Variants in PDE10A observed in about 807,000 individuals in gnomAD.
The protein encoded by PDE10A is phosphodiesterase 10A.
In PDE10A, 39 loss-of-function variants were observed where a neutral mutation model predicts 97.7. The ratio of observed to expected loss-of-function variants is 0.40; its 90% confidence interval spans 0.31 to 0.52. The LOEUF (loss-of-function observed/expected upper bound fraction) is 0.52, where lower values mean the gene tolerates loss of function less well. PDE10A is among the 20% of genes least tolerant of loss of function. The probability of loss-of-function intolerance (pLI) is 0.56; values close to 1 mark genes in which losing one functional copy is unlikely to be tolerated. For synonymous variants in PDE10A, 371 were observed against 376.8 expected, an observed-to-expected ratio of 0.98 and a Z score of 0.18; for missense variants, 731 against 1,047.8, an observed-to-expected ratio of 0.70 and a Z score of 4.17.
chr6:165,524,657 A>T (rs1231943192), intron 2 of PDE10A, among the ~76,000 whole-genome samples: 2 of 62,202 alleles, frequency 3.2e-5, no homozygotes, highest in African/African-American at 8.7e-5. Context: ...ATCTGCTAAG[A>T]TTGCCCTGAG....
At chr6:165,836,555 C>T (rs1455925929) in intron 1 of PDE10A, among the ~76,000 whole-genome samples, 2 of 152,196 alleles carry the variant, frequency 1.3e-5, no homozygotes, top group Non-Finnish European at 2.9e-5. Context: ...CACATGCTAG[C>T]ATTTATCTAT....
intron 3 of PDE10A, among the ~76,000 whole-genome samples, chr6:165,470,481 T>C (rs920255596): frequency 1.3e-5 from 2 of 152,238 alleles, no homozygotes; most frequent in African/African-American, 2.4e-5. Flanking sequence ...AAAGACTGAT[T>C]GGTGCCTTTC....
chr6:165,890,076 A>C (rs1387835213), intron 1 of PDE10A, among the ~76,000 whole-genome samples: 61 of 75,618 alleles, frequency 8.1e-4, no homozygotes, highest in South Asian at 9.6e-4. Flanking sequence ...CTCACTCCTC[A>C]CTCACTCCTC....
chr6:165,667,414 C>T (rs1043402266), upstream of PDE10A, among the ~76,000 whole-genome samples: 2 of 151,824 alleles, frequency 1.3e-5, no homozygotes, highest in African/African-American at 2.4e-5. Flanking sequence ...TGTATTATCA[C>T]GTTATGTTTT....
At chr6:165,938,729 A>G (rs1406405206) in intron 1 of PDE10A, among the ~76,000 whole-genome samples, 1 of 151,948 alleles carries the variant, frequency 6.6e-6, no homozygotes, top group Non-Finnish European at 1.5e-5. Context: ...CCAGTGAGCA[A>G]CAACATCAAA....
rs1562327666 is a variant in PDE10A, at chr6:165,958,705, A to AGAG, written c.-615+28823_-615+28824insCTC. Among the ~76,000 whole-genome samples, 412 of 140,994 alleles carry AGAG rather than the reference A, an allele frequency of 2.9e-3. 4 individuals carry two copies. The highest frequency in any genetic ancestry group is 0.011 in the African/African-American group (390 of 35,276). 92.5% of individuals were successfully genotyped at this position (140,994 alleles called of 152,430 possible). ...AGGAAAGAAAGAAAGAGAAAGAAAGAAAGAAAGAGAGAAGAAAGAAAGAAA... is the reference window on the plus strand; with the variant it reads ...AGGAAAGAAAGAAAGAGAAAGAAAGAGAGAAGAAAGAGAGAAGAAAGAAAGAAA... On this transcript the variant is annotated intron_variant, in intron 1 of 19. Transcript: ENST00000366882.
chr6:165,536,968 G>A (rs772760642), intron 2 of PDE10A, among the ~76,000 whole-genome samples: 91 of 151,892 alleles, frequency 6.0e-4, no homozygotes, highest in Non-Finnish European at 1.0e-3. Context: ...AAGGAAATCA[G>A]CATATCAAAG....
At chr6:165,847,481 CAG>C (rs1321321662) in intron 1 of PDE10A, among the ~76,000 whole-genome samples, 1 of 152,278 alleles carries the variant, frequency 6.6e-6, no homozygotes, top group African/African-American at 2.4e-5. Context: ...CCTCGCGTGA[CAG>C]CGATCTACAA....
chr6:165,602,650 G>T (rs969883751), intron 1 of PDE10A, among the ~76,000 whole-genome samples: 1 of 152,050 alleles, frequency 6.6e-6, no homozygotes, highest in African/African-American at 2.4e-5. Context: ...ATTTGAAAAA[G>T]GTACTTTTGT....
At chr6:165,417,475 ACT>A (rs1447223664) in intron 11 of PDE10A, among the ~76,000 whole-genome samples, 1 of 151,996 alleles carries the variant, frequency 6.6e-6, no homozygotes, top group Non-Finnish European at 1.5e-5. Context: ...AGTAAATCAC[ACT>A]CTGTTTTTCT....
intron 17 of PDE10A, among the ~76,000 whole-genome samples, chr6:165,381,403 C>T (rs1784913868): frequency 6.6e-6 from 1 of 152,146 alleles, no homozygotes; most frequent in African/African-American, 2.4e-5. Context: ...ATAAAAAGGT[C>T]TAACTCATTT....
chr6:165,461,278 G>C (rs1397866294), intron 3 of PDE10A, among the ~76,000 whole-genome samples: 2 of 152,160 alleles, frequency 1.3e-5, no homozygotes, highest in African/African-American at 4.8e-5. Flanking sequence ...AGATTTAAAA[G>C]ACTGTTTGTT....
intron 3 of PDE10A, among the ~76,000 whole-genome samples, chr6:165,459,857 C>G (rs1426306871): frequency 6.6e-6 from 1 of 151,866 alleles, no homozygotes; most frequent in Non-Finnish European, 1.5e-5. Flanking sequence ...GAAGCATGCT[C>G]ATACTAAAAA....
intron 18 of PDE10A, among the ~76,000 whole-genome samples, chr6:165,375,201 C>T (rs543097829): frequency 6.6e-6 from 1 of 152,104 alleles, no homozygotes; most frequent in Non-Finnish European, 1.5e-5. Flanking sequence ...CTAGAAGTGA[C>T]TAAACTTAGG....
At chr6:165,622,350 T>C (rs956590889) in intron 1 of PDE10A, among the ~76,000 whole-genome samples, 15 of 152,112 alleles carry the variant, frequency 9.9e-5, no homozygotes, top group African/African-American at 3.6e-4. Flanking sequence ...TGTTGCTAGT[T>C]GGTTTCATTG....
At chr6:165,499,193 G>A (rs556508040) in intron 2 of PDE10A, among the ~76,000 whole-genome samples, 11 of 152,268 alleles carry the variant, frequency 7.2e-5, no homozygotes, top group East Asian at 3.9e-4. Flanking sequence ...AACAGTAGCC[G>A]GGGAAGAGTC....
chr6:165,409,383 C>G (rs889600024), intron 13 of PDE10A, among the ~76,000 whole-genome samples: 1 of 152,092 alleles, frequency 6.6e-6, no homozygotes, highest in Admixed American at 6.5e-5. Flanking sequence ...CCCATCTCTA[C>G]TAAAAATACA....
intron 13 of PDE10A, among the ~76,000 whole-genome samples, chr6:165,410,245 C>A (rs1342422809): frequency 6.6e-6 from 1 of 152,168 alleles, no homozygotes; most frequent in Admixed American, 6.5e-5. Context: ...TAAAGGTGAA[C>A]TTCAGTAAAT....
At chr6:165,750,052 G>T (rs1221372855) in intron 1 of PDE10A, among the ~76,000 whole-genome samples, 1 of 152,116 alleles carries the variant, frequency 6.6e-6, no homozygotes, top group Non-Finnish European at 1.5e-5. Context: ...TTGAACAGGG[G>T]GTATGTGAGG....
Sources: allele counts gnomAD v4.1 joint callset (sites outside exome capture counted in the v4.1 genomes callset), GRCh38; gene constraint gnomAD v4.1.1; transcripts MANE v1.5; gene names NCBI Gene and HGNC (gene_info 2026-07-23, HGNC 2026-07-21).